The following GPR158 variants were observed in gnomAD, a reference collection of about 807,000 sequenced individuals.
GPR158 encodes metabotropic glycine receptor.
A neutral mutation model predicts 78.2 loss-of-function variants in GPR158; 30 were observed. The observed-to-expected ratio is 0.38, with a 90% CI of 0.29 to 0.52. The LOEUF is 0.52. Among genes scored for constraint, GPR158 ranks in the 20% least tolerant of loss-of-function variants. The pLI is 0.83. For missense variants in GPR158, 1,463 were observed against 1,523.5 expected, an observed-to-expected ratio of 0.96 and a Z score of 0.66; for synonymous variants, 581 against 591.1, an observed-to-expected ratio of 0.98 and a Z score of 0.25.
At chr10:25,469,996 C>T (rs1835476316) in intron 5 of GPR158, among the ~76,000 whole-genome samples, 1 of 151,950 alleles carries the variant, frequency 6.6e-6, no homozygotes, top group Admixed American at 6.6e-5. Context: ...GACTATGTCA[C>T]TCCTCTTCCC....
rs1415457708 is a variant in GPR158, at chr10:25,372,257, G to T, written c.1009-23654G>T. On this transcript the variant is annotated intron_variant, in intron 2 of 10. Coordinates refer to ENST00000376351, the MANE Select transcript of GPR158 (RefSeq NM_020752.3). ...AAATAGGAACACTTTTACACTGTTGGTGGGACTATAAACTGGTTCAACCAT... is the reference window on the plus strand; with the variant it reads ...AAATAGGAACACTTTTACACTGTTGTTGGGACTATAAACTGGTTCAACCAT... Among the ~76,000 whole-genome samples, 5 of 152,124 alleles carry T rather than the reference G, an allele frequency of 3.3e-5. No individual in the cohort carries two copies. In the East Asian group the frequency reaches 5.8e-4, roughly 18 times the overall value.
In GPR158 at chr10:25,191,869, GTTTT is replaced by G. The variant is rs556207176; in HGVS notation, c.902+15550_902+15553del. 3.5e-3 allele frequency among the ~76,000 whole-genome samples: 531 copies of G among 152,186 alleles called. 4 individuals carry two copies. The highest frequency in any genetic ancestry group is 0.012 in the African/African-American group (498 of 41,508). Reference sequence around the variant, plus strand: ...CTGTTTCTCCCTCACTTTTTTTGGGGTTTTTTGTTTTCTCAACTGTAACATAGGG... The same window carrying G: ...CTGTTTCTCCCTCACTTTTTTTGGGGTTGTTTTCTCAACTGTAACATAGGG... On this transcript the variant is annotated intron_variant, in intron 1 of 10. Transcript: ENST00000376351.
At chr10:25,297,712 G>A (rs868215009) in intron 2 of GPR158, among the ~76,000 whole-genome samples, 7 of 152,178 alleles carry the variant, frequency 4.6e-5, no homozygotes, top group South Asian at 2.1e-4. Flanking sequence ...AGTGGCTTGT[G>A]AACCATGACC....
chr10:25,564,398 T>C (rs944768630), intron 6 of GPR158, among the ~76,000 whole-genome samples: 3 of 152,240 alleles, frequency 2.0e-5, no homozygotes, highest in Non-Finnish European at 4.4e-5. Flanking sequence ...CATTCTTTCT[T>C]CCCAATCTTT....
At chr10:25,374,328 T>C (rs1050292778) in intron 2 of GPR158, among the ~76,000 whole-genome samples, 1 of 151,656 alleles carries the variant, frequency 6.6e-6, no homozygotes, top group African/African-American at 2.4e-5. Flanking sequence ...CATCACTCTG[T>C]ATTCCCCAAT....
At chr10:25,590,379 G>A (rs1837325731) in intron 8 of GPR158, among the ~76,000 whole-genome samples, 1 of 152,022 alleles carries the variant, frequency 6.6e-6, no homozygotes, top group Non-Finnish European at 1.5e-5. Context: ...GGAAAGATAA[G>A]AATGGAAATA....
chr10:25,426,540 G>C (rs1402894101), intron 4 of GPR158, among the ~76,000 whole-genome samples: 1 of 151,974 alleles, frequency 6.6e-6, no homozygotes, highest in East Asian at 1.9e-4. Flanking sequence ...TTTGAAGATT[G>C]TTATGTCTCA....
intron 2 of GPR158, among the ~76,000 whole-genome samples, chr10:25,311,933 A>G (rs946240540): frequency 2.6e-5 from 4 of 152,038 alleles, no homozygotes; most frequent in Admixed American, 6.6e-5. Flanking sequence ...TACATTTTGT[A>G]TAAATGTTTT....
At position 25,176,475 on chromosome 10, in the gene GPR158, G is replaced by A. The variant is rs1852535505; in HGVS notation, c.902+153G>A. Among the ~76,000 whole-genome samples, 1 of 152,190 alleles carries A rather than the reference G, an allele frequency of 6.6e-6. No homozygotes were observed. Among genetic ancestry groups the A allele is most frequent in the Admixed American group, 6.5e-5 (1 of 15,294 alleles). ...ACCCGGGCTGAGGGACACCCCACGC[G>A]GGCGCGGGTGCTTGGGGGCAAGAAG... is the stretch of plus-strand genomic sequence containing the variant. On this transcript the variant is annotated intron_variant, in intron 1 of 10. Transcript: ENST00000376351. The surrounding 1 kb of genome is among the most constrained non-coding windows in gnomAD (Gnocchi z 6.3).
At chr10:25,216,585 G>C (rs527689355) in intron 1 of GPR158, among the ~76,000 whole-genome samples, 1 of 152,156 alleles carries the variant, frequency 6.6e-6, no homozygotes, top group East Asian at 1.9e-4. Context: ...TATTAAAAAA[G>C]ATATAGACCA....
Position 25,304,725 on chromosome 10 carries a change from T to C in GPR158, c.1008+83568T>C, listed in dbSNP as rs913219494. ...ACGAACTTAAGCAGTTTGTCCAAAG[T>C]CATACTGGCTAGTAGGCTAATAAGT... On this transcript the variant is annotated intron_variant, in intron 2 of 10. Coordinates refer to ENST00000376351, the MANE Select transcript of GPR158 (RefSeq NM_020752.3). Among the ~76,000 whole-genome samples the C allele has an allele frequency of 3.9e-5, 6 of 152,258 alleles. No individual in the cohort carries two copies. In the South Asian group the frequency reaches 6.2e-4, roughly 16 times the overall value.
intron 2 of GPR158, among the ~76,000 whole-genome samples, chr10:25,261,944 A>C (rs1333672496): frequency 6.6e-6 from 1 of 152,104 alleles, no homozygotes. Flanking sequence ...TCTTTAATGT[A>C]GTGTTCAGAG....
At chr10:25,576,313 C>T (rs1411414001) in intron 7 of GPR158, among the ~76,000 whole-genome samples, 1 of 152,110 alleles carries the variant, frequency 6.6e-6, no homozygotes, top group African/African-American at 2.4e-5. Context: ...GTTTTTCATT[C>T]CTGAATTATG....
intron 1 of GPR158, among the ~76,000 whole-genome samples, chr10:25,203,774 T>C (rs1185990142): frequency 6.9e-6 from 1 of 144,182 alleles, no homozygotes; most frequent in Non-Finnish European, 1.5e-5. Flanking sequence ...TTTAAAGTAG[T>C]TTTTTTTCAA....
At chr10:25,544,408 C>T (rs1035606330) in intron 5 of GPR158, among the ~76,000 whole-genome samples, 8 of 151,926 alleles carry the variant, frequency 5.3e-5, no homozygotes, top group Middle Eastern at 3.2e-3. Context: ...ATTAGTTAAT[C>T]CCATTACAAC....
intron 5 of GPR158, among the ~76,000 whole-genome samples, chr10:25,531,543 A>G (rs1836422130): frequency 6.6e-6 from 1 of 152,208 alleles, no homozygotes; most frequent in South Asian, 2.1e-4. Flanking sequence ...GCTGAGTAAT[A>G]AGAAAGTGTC....
chr10:25,185,748 G>A (rs75955266), intron 1 of GPR158, among the ~76,000 whole-genome samples: 10,438 of 152,054 alleles, frequency 0.069, 543 homozygotes, highest in East Asian at 0.24. Flanking sequence ...GCGTGAACCC[G>A]GGAGGCAGAG....
At chr10:25,334,006 A>T (rs1465560035) in intron 2 of GPR158, among the ~76,000 whole-genome samples, 1 of 152,078 alleles carries the variant, frequency 6.6e-6, no homozygotes, top group Admixed American at 6.6e-5. Flanking sequence ...TATTTTGTAA[A>T]CCTATACATT....
Position 25,598,653 on chromosome 10 carries a change from G to T in GPR158, c.3027G>T (p.Trp1009Cys), listed in dbSNP as rs373052680. Reference sequence around the variant, plus strand: ...TTGACATTGGGGAGGTGTGTCCTTGGGAGGTTTATGACCTGACCCCTGGTC... The same window carrying T: ...TTGACATTGGGGAGGTGTGTCCTTGTGAGGTTTATGACCTGACCCCTGGTC... ...DNFDIGEVCP[W>C]EVYDLTPGPV... Residue 1009 changes from tryptophan to cysteine, a missense_variant, in exon 11 of 11, where the codon TGG becomes TGT. Transcript: ENST00000376351. 6.2e-7 allele frequency: 1 copy of T among 1,613,836 alleles called. No homozygotes were observed. Among genetic ancestry groups the T allele is most frequent in the African/African-American group, 1.3e-5 (1 of 74,836 alleles).
Sources: gnomAD v4.1 joint callset for allele counts (sites outside exome capture counted in the v4.1 genomes callset) on GRCh38, gnomAD v4.1.1 for gene constraint, Gnocchi (gnomAD v3.1) non-coding constraint, MANE v1.5 for transcripts, NCBI Gene and HGNC (gene_info 2026-07-23, HGNC 2026-07-21) for gene names.